RXFP2: variants seen among roughly 807,000 people sequenced by gnomAD.
The protein encoded by RXFP2 is relaxin family peptide receptor 2.
RXFP2 carries 68 observed loss-of-function variants against 88.6 expected under a neutral mutation model. The ratio of observed to expected loss-of-function variants is 0.77; its 90% CI spans 0.63 to 0.94. RXFP2 has a LOEUF of 0.94. Ranked by LOEUF, RXFP2 falls within the 40% of genes least tolerant of loss-of-function variation. The pLI is 0.00. For synonymous variants in RXFP2, 329 were observed against 306.8 expected (o/e 1.07, Z -0.76); for missense variants, 791 against 893.9 (o/e 0.88, Z 1.47).
chr13:31,786,166 A>G (rs1199623325), intron 11 of RXFP2, among the ~76,000 whole-genome samples: 4 of 152,202 alleles, frequency 2.6e-5, no homozygotes, highest in Non-Finnish European at 4.4e-5. Flanking sequence ...AGGAAATTCC[A>G]GATAGGAACT....
intron 15 of RXFP2, 151 bp downstream of exon 15, chr13:31,792,186 G>T: frequency 3.1e-6 from 2 of 652,088 alleles, no homozygotes; most frequent in Non-Finnish European, 5.2e-6. Flanking sequence ...AAAAGTTCTG[G>T]CTCTTTGTGG....
chr13:31,774,736 G>C (rs745692497), intron 6 of RXFP2, 45 bp downstream of exon 6: 2 of 995,008 alleles, frequency 2.0e-6, no homozygotes, highest in East Asian at 4.8e-5. Flanking sequence ...TTTAAGCAAA[G>C]ACTAAAAGGA....
At chr13:31,764,178 A>G (rs1041302403) in intron 3 of RXFP2, among the ~76,000 whole-genome samples, 26 of 151,970 alleles carry the variant, frequency 1.7e-4, no homozygotes, top group Non-Finnish European at 3.1e-4. Context: ...CAGACTCCAA[A>G]AATACTTGCT....
At chr13:31,762,648 A>G (rs1393317056) in intron 3 of RXFP2, among the ~76,000 whole-genome samples, 2 of 152,154 alleles carry the variant, frequency 1.3e-5, no homozygotes, top group Non-Finnish European at 2.9e-5. Flanking sequence ...GTAAATGTAT[A>G]TATATAACAT....
At chr13:31,796,662 C>A (rs74044227) in intron 16 of RXFP2, among the ~76,000 whole-genome samples, 13 of 152,278 alleles carry the variant, frequency 8.5e-5, no homozygotes, top group African/African-American at 3.1e-4. Flanking sequence ...TCTTTTTCAT[C>A]TGGTGAACCC....
chr13:31,776,081 C>CTTTCTTTCTTTCT (rs1566227719), intron 7 of RXFP2, among the ~76,000 whole-genome samples: 2 of 104,568 alleles, frequency 1.9e-5, no homozygotes, highest in Admixed American at 1.1e-4. Flanking sequence ...TCTTTCTTTC[C>CTTTCTTTCTTTCT]TTCCTTCTTT....
Position 31,792,617 on chromosome 13 carries a change from C to G in RXFP2, c.1376-61C>G, listed in dbSNP as rs969473686. ...TTAAAATGCTGGAAATAGACTTAAT[C>G]AGAAAACTAAAACAGGGACATTGGA... On this transcript the variant is annotated intron_variant, in intron 15 of 17. Coordinates refer to ENST00000298386, the MANE Select transcript of RXFP2 (RefSeq NM_130806.5). 4 of 1,514,300 alleles carry G rather than the reference C, an allele frequency of 2.6e-6. No individual in the cohort carries two copies. The African/African-American group carries it at 5.5e-5, about 21-fold the overall frequency. The allele number at this position is 1,514,300 out of a possible 1,614,324, so 93.8% of individuals were successfully genotyped here.
intron 1 of RXFP2, among the ~76,000 whole-genome samples, chr13:31,750,380 A>C (rs1474215364): frequency 6.6e-6 from 1 of 152,158 alleles, no homozygotes; most frequent in Non-Finnish European, 1.5e-5. Flanking sequence ...TTTAACACTA[A>C]AATACTACTT....
chr13:31,757,239 G>A (rs1008272153), intron 1 of RXFP2, among the ~76,000 whole-genome samples: 5 of 152,148 alleles, frequency 3.3e-5, no homozygotes, highest in African/African-American at 1.2e-4. Context: ...TTGATTGATA[G>A]TCTCATAGTG....
At chr13:31,761,350 C>T (rs1872292376) in intron 2 of RXFP2, among the ~76,000 whole-genome samples, 1 of 152,156 alleles carries the variant, frequency 6.6e-6, no homozygotes, top group Non-Finnish European at 1.5e-5. Context: ...TATGTTTCTA[C>T]ATATACAGCA....
intron 17 of RXFP2, among the ~76,000 whole-genome samples, chr13:31,800,873 T>C (rs1383740230): frequency 1.3e-5 from 2 of 152,138 alleles, no homozygotes; most frequent in African/African-American, 4.8e-5. Flanking sequence ...ATATAAAACT[T>C]AATTTAAGAC....
At chr13:31,770,784 A>G (rs1178617718) in intron 5 of RXFP2, among the ~76,000 whole-genome samples, 2 of 152,108 alleles carry the variant, frequency 1.3e-5, no homozygotes, top group African/African-American at 4.8e-5. Context: ...CAACTCTCTG[A>G]CCACCATACC....
rs189300281 is a variant in RXFP2 at position 31,744,855 on chromosome 13, G to A, written c.94+5149G>A. Among the ~76,000 whole-genome samples the A allele has an allele frequency of 5.3e-5, 8 of 151,870 alleles. No homozygotes were observed. In the East Asian group the frequency reaches 9.7e-4, roughly 18 times the overall value. On this transcript the variant is annotated intron_variant, in intron 1 of 17. Coordinates refer to ENST00000298386, the MANE Select transcript of RXFP2 (RefSeq NM_130806.5). ...TTAGTTCTTTGAGAATTTTAATCAC[G>A]CAGAGTTTAAAATAGTCTTTAAAGC...
intron 17 of RXFP2, among the ~76,000 whole-genome samples, chr13:31,797,764 A>G (rs1385652639): frequency 6.6e-6 from 1 of 152,160 alleles, no homozygotes; most frequent in Admixed American, 6.5e-5. Context: ...AAACCTATAG[A>G]TGGATGTTAT....
At chr13:31,783,929 G>T (rs1873401691) in intron 11 of RXFP2, among the ~76,000 whole-genome samples, 1 of 151,434 alleles carries the variant, frequency 6.6e-6, no homozygotes, top group African/African-American at 2.4e-5. Flanking sequence ...TGATCCTCCT[G>T]CCTCAGCCTC....
At chr13:31,781,569 G>A (rs1477523262) in intron 9 of RXFP2, 102 bp from the exon 10 acceptor site, 2 of 806,176 alleles carry the variant, frequency 2.5e-6, no homozygotes, top group African/African-American at 1.7e-5. Flanking sequence ...AGTAACAACT[G>A]GAATGAAGTA....
intron 1 of RXFP2, among the ~76,000 whole-genome samples, chr13:31,756,259 G>C (rs1052604513): frequency 1.3e-5 from 2 of 152,188 alleles, no homozygotes; most frequent in Non-Finnish European, 2.9e-5. Context: ...CCTCACAAGA[G>C]CATTTTCCCA....
chr13:31,742,060 A>C (rs537867402), intron 1 of RXFP2, among the ~76,000 whole-genome samples: 2 of 152,218 alleles, frequency 1.3e-5, no homozygotes, highest in East Asian at 3.9e-4. Flanking sequence ...AACATCTCTA[A>C]AATAAAGTTA....
intron 2 of RXFP2, among the ~76,000 whole-genome samples, 182 bp from the exon 3 acceptor site, chr13:31,761,542 T>C (rs890118384): frequency 3.3e-5 from 5 of 152,254 alleles, no homozygotes; most frequent in African/African-American, 9.6e-5. Flanking sequence ...GTATTTTTCA[T>C]GTAAAAAAGG....
Sources: allele counts gnomAD v4.1 joint callset (sites outside exome capture counted in the v4.1 genomes callset), GRCh38; gene constraint gnomAD v4.1.1; transcripts MANE v1.5; gene names NCBI Gene and HGNC (gene_info 2026-07-23, HGNC 2026-07-21).